Variants in EPHA5 observed in about 807,000 individuals in gnomAD.
EPHA5 encodes EPH receptor A5.
EPHA5 carries 60 observed loss-of-function variants against 105.0 expected under a neutral mutation model. The ratio of observed to expected loss-of-function variants is 0.57; its 90% CI spans 0.46 to 0.71. EPHA5 has a LOEUF of 0.71. Ranked by LOEUF, EPHA5 falls within the 30% of genes least tolerant of loss-of-function variation. EPHA5 has a pLI of 0.00. For synonymous variants in EPHA5, 513 were observed against 449.1 expected (o/e 1.14, Z -1.80); for missense variants, 1,218 against 1,274.7 (o/e 0.96, Z 0.68).
chr4:65,397,101 G>T (rs1351316934), intron 8 of EPHA5, among the ~76,000 whole-genome samples: 1 of 152,228 alleles, frequency 6.6e-6, no homozygotes, highest in Non-Finnish European at 1.5e-5. Context: ...TGTCCAATTT[G>T]CAATGGGGAC....
chr4:65,504,742 A>G (rs1732836749), intron 3 of EPHA5, among the ~76,000 whole-genome samples: 1 of 151,900 alleles, frequency 6.6e-6, no homozygotes, highest in Non-Finnish European at 1.5e-5. Context: ...TGTTTATCTA[A>G]TTGAACCTCC....
chr4:65,574,204 T>C (rs1379849794), intron 3 of EPHA5: 1 of 1,604,216 alleles, frequency 6.2e-7, no homozygotes, highest in Non-Finnish European at 8.5e-7. Flanking sequence ...CAGCGCAAGA[T>C]TGATCAGAAA....
intron 2 of EPHA5, among the ~76,000 whole-genome samples, chr4:65,632,527 A>T (rs1746741338): frequency 7.8e-6 from 1 of 127,804 alleles, no homozygotes; most frequent in Admixed American, 7.6e-5. Context: ...TCACTGTTCA[A>T]TTTTCAGCAA....
At chr4:65,568,543 CT>C (rs929729077) in intron 3 of EPHA5, among the ~76,000 whole-genome samples, 14 of 150,390 alleles carry the variant, frequency 9.3e-5, no homozygotes, top group Non-Finnish European at 1.3e-4. Context: ...CAACGCATCC[CT>C]TTTTTTTAAA....
chr4:65,447,850 T>G (rs966471411), intron 5 of EPHA5, among the ~76,000 whole-genome samples: 6 of 151,610 alleles, frequency 4.0e-5, no homozygotes, highest in Non-Finnish European at 7.4e-5. Context: ...TAAGATAACC[T>G]AATAAGAGGG....
rs1233132439 is a variant in EPHA5, at chr4:65,377,202, T to C, written c.1794-9778A>G. 4 of 627,128 alleles carry C rather than the reference T, an allele frequency of 6.4e-6. No individual in the cohort carries two copies. The Admixed American group carries it at 1.1e-4, about 18-fold the overall frequency. 38.8% of individuals were successfully genotyped at this position (627,128 alleles called of 1,614,324 possible). A position where few individuals can be genotyped will look rare whatever the true frequency, so the allele number is the denominator to read the frequency against. On this transcript the variant is annotated intron_variant, in intron 8 of 16. Transcript: ENST00000613740. ...CCTCTAAATGCATACAATTAATTTT[T>C]TTCCACAGTGCCTTTCAAATTAAGA...
intron 7 of EPHA5, among the ~76,000 whole-genome samples, chr4:65,409,816 C>T (rs998327455): frequency 6.6e-6 from 1 of 152,094 alleles, no homozygotes; most frequent in Non-Finnish European, 1.5e-5. Flanking sequence ...AGATGTTGAA[C>T]GTAATTAGCT....
intron 2 of EPHA5, among the ~76,000 whole-genome samples, chr4:65,642,502 T>A (rs1429346690): frequency 6.6e-6 from 1 of 152,078 alleles, no homozygotes; most frequent in Non-Finnish European, 1.5e-5. Context: ...TTCTTAATAT[T>A]ATGTCTTTAA....
At chr4:65,495,031 G>A (rs1226074963) in intron 4 of EPHA5, among the ~76,000 whole-genome samples, 1 of 151,892 alleles carries the variant, frequency 6.6e-6, no homozygotes, top group Non-Finnish European at 1.5e-5. Context: ...AAGAGGAAGA[G>A]GAGGAAGGAA....
intron 3 of EPHA5, among the ~76,000 whole-genome samples, chr4:65,539,984 T>G (rs1736663116): frequency 6.6e-6 from 1 of 151,514 alleles, no homozygotes; most frequent in Non-Finnish European, 1.5e-5. Flanking sequence ...GAGGCATTCA[T>G]TTGGTTTGAA....
chr4:65,516,424 G>C (rs1290460820), intron 3 of EPHA5, among the ~76,000 whole-genome samples: 1 of 91,104 alleles, frequency 1.1e-5, no homozygotes, highest in Non-Finnish European at 2.4e-5. Context: ...AGGATGAAGA[G>C]GAGGAAGAGG....
chr4:65,351,953 G>T (rs1722859760), intron 12 of EPHA5, among the ~76,000 whole-genome samples: 2 of 152,026 alleles, frequency 1.3e-5, no homozygotes, highest in South Asian at 4.1e-4. Flanking sequence ...TGATTTAAAA[G>T]AAGCTAGCTG....
At chr4:65,664,777 T>G (rs749501925) in intron 1 of EPHA5, among the ~76,000 whole-genome samples, 1 of 151,910 alleles carries the variant, frequency 6.6e-6, no homozygotes, top group African/African-American at 2.4e-5. Context: ...GAGTTGACAT[T>G]TTTAGCTCTA....
At chr4:65,663,377 A>T (rs2149554205) in intron 1 of EPHA5, among the ~76,000 whole-genome samples, 1 of 152,238 alleles carries the variant, frequency 6.6e-6, no homozygotes, top group African/African-American at 2.4e-5. Context: ...CAAGTGGGAC[A>T]CCTACTAAAT....
At chr4:65,599,919 T>G (rs1162570134) in intron 3 of EPHA5, among the ~76,000 whole-genome samples, 1 of 152,114 alleles carries the variant, frequency 6.6e-6, no homozygotes, top group Non-Finnish European at 1.5e-5. Context: ...TCATCGACAA[T>G]CAAAATGCAT....
chr4:65,351,700 A>G, intron 12 of EPHA5, 102 bp from the exon 13 acceptor site: 2 of 963,966 alleles, frequency 2.1e-6, no homozygotes, highest in Non-Finnish European at 3.1e-6. Context: ...ATCAGTCGCT[A>G]AAATTCATAT....
Position 65,504,806 on chromosome 4 carries a change from A to G in EPHA5, c.911-9263T>C, listed in dbSNP as rs571537034. Among the ~76,000 whole-genome samples, 3 of 152,156 alleles carry G rather than the reference A, an allele frequency of 2.0e-5. No homozygotes were observed. The South Asian group carries it at 6.2e-4, about 32-fold the overall frequency. On this transcript the variant is annotated intron_variant, in intron 3 of 16. Transcript: ENST00000613740. The stretch of plus-strand genomic sequence containing the variant: ...CATTCTTCAAAGGTTTCTAGGAACA[A>G]TTTGTATAATATAAATACTTATCAT...
At chr4:65,611,803 C>T (rs1249677817) in intron 2 of EPHA5, among the ~76,000 whole-genome samples, 2 of 151,434 alleles carry the variant, frequency 1.3e-5, no homozygotes, top group South Asian at 2.1e-4. Context: ...AAAACAGCCA[C>T]ATTAGGGCTG....
chr4:65,418,475 C>T (rs1277982312), intron 6 of EPHA5, among the ~76,000 whole-genome samples: 17 of 152,034 alleles, frequency 1.1e-4, no homozygotes, highest in African/African-American at 3.9e-4. Context: ...TAACCATATC[C>T]CAACATAACT....
Sources: gnomAD v4.1 joint callset for allele counts (sites outside exome capture counted in the v4.1 genomes callset) on GRCh38, gnomAD v4.1.1 for gene constraint, MANE v1.5 for transcripts, NCBI Gene and HGNC (gene_info 2026-07-23, HGNC 2026-07-21) for gene names.